PAX5: variants seen among roughly 807,000 people sequenced by gnomAD.
PAX5 encodes paired box 5.
A neutral mutation model predicts 43.7 loss-of-function variants in PAX5; 9 were observed. The observed-to-expected ratio is 0.21, with a 90% CI of 0.12 to 0.36. PAX5 has a LOEUF of 0.36. Ranked by LOEUF, PAX5 falls within the 10% of genes least tolerant of loss-of-function variation. The pLI, the probability that PAX5 is intolerant of heterozygous loss-of-function variation, is 1.00. For synonymous variants in PAX5, 228 were observed against 214.3 expected (o/e 1.06, Z -0.56); for missense variants, 383 against 532.7 (o/e 0.72, Z 2.77).
At chr9:36,848,322 G>A (rs1194932633) in intron 8 of PAX5, among the ~76,000 whole-genome samples, 5 of 140,574 alleles carry the variant, frequency 3.6e-5, no homozygotes, top group South Asian at 2.2e-4. Flanking sequence ...GGCTTCCCCC[G>A]CACCTCACAA....
intron 6 of PAX5, among the ~76,000 whole-genome samples, chr9:36,947,756 C>T (rs921118103): frequency 6.6e-6 from 1 of 151,792 alleles, no homozygotes; most frequent in African/African-American, 2.4e-5. Flanking sequence ...AACCATCACC[C>T]CCACCCCCAG....
chr9:36,898,296 C>T (rs1204494818), intron 7 of PAX5, among the ~76,000 whole-genome samples: 11 of 152,220 alleles, frequency 7.2e-5, no homozygotes, highest in Non-Finnish European at 1.5e-5. Context: ...TATGCGGCCT[C>T]AGGCAGGTTA....
intron 7 of PAX5, among the ~76,000 whole-genome samples, chr9:36,911,346 C>CAG (rs34855631): frequency 2.0e-4 from 30 of 150,930 alleles, no homozygotes; most frequent in East Asian, 9.8e-4. Context: ...TTTTTGAGAT[C>CAG]GGGGGGGTCT....
intron 7 of PAX5, among the ~76,000 whole-genome samples, chr9:36,907,877 C>T (rs914830210): frequency 1.3e-5 from 2 of 152,130 alleles, no homozygotes; most frequent in African/African-American, 4.8e-5. Context: ...GGACAGATTG[C>T]TGTACATACT....
intron 5 of PAX5, among the ~76,000 whole-genome samples, chr9:37,000,263 A>T (rs1837735136): frequency 1.3e-5 from 2 of 152,144 alleles, no homozygotes; most frequent in Admixed American, 6.5e-5. Context: ...TCAAACGTGC[A>T]TACTCTCAGT....
chr9:36,944,628 T>C (rs1392479526), intron 6 of PAX5, among the ~76,000 whole-genome samples: 3 of 152,090 alleles, frequency 2.0e-5, no homozygotes, highest in African/African-American at 7.2e-5. Flanking sequence ...TGACTAACTC[T>C]CAAACCAGGT....
chr9:36,932,557 G>A (rs911564401), intron 6 of PAX5, among the ~76,000 whole-genome samples: 5 of 152,198 alleles, frequency 3.3e-5, no homozygotes, highest in Admixed American at 1.3e-4. Context: ...ATGATTGGCT[G>A]GAGATGGGGG....
intron 6 of PAX5, among the ~76,000 whole-genome samples, chr9:36,963,213 G>A (rs139565905): frequency 3.0e-4 from 45 of 152,286 alleles, no homozygotes; most frequent in African/African-American, 1.0e-3. Flanking sequence ...CACACAGTTC[G>A]CCTGCAGTCG....
Position 37,007,354 on chromosome 9 carries a change from A to G in PAX5, c.411-817T>C, listed in dbSNP as rs959093180. 8 of 152,240 alleles carry G rather than the reference A, an allele frequency of 5.3e-5. No homozygotes were observed. The South Asian group carries it at 1.2e-3, about 24-fold the overall frequency. The allele number at this position is 152,240 out of a possible 1,614,324, so 9.4% of individuals were successfully genotyped here. A position where few individuals can be genotyped will look rare whatever the true frequency, so the allele number is the denominator to read the frequency against. On this transcript the variant is annotated intron_variant, in intron 3 of 9. Transcript: ENST00000358127. Reference sequence around the variant, plus strand: ...TAAGTAACCAAATCATTTTCGGAAAAGAAAAAAGATCTTATGGAAAAACCC... The same window carrying G: ...TAAGTAACCAAATCATTTTCGGAAAGGAAAAAAGATCTTATGGAAAAACCC...
intron 5 of PAX5, 23 bp downstream of exon 5, chr9:37,002,625 G>A (rs200647189): frequency 1.9e-6 from 3 of 1,600,928 alleles, no homozygotes; most frequent in East Asian, 2.3e-5. Context: ...CATCCCCGAC[G>A]GGGCTGCGCG....
chr9:36,949,593 C>G (rs540410970), intron 6 of PAX5, among the ~76,000 whole-genome samples: 1 of 152,320 alleles, frequency 6.6e-6, no homozygotes, highest in South Asian at 2.1e-4. Context: ...CAAGAGATTA[C>G]GTGAGCTCAA....
chr9:36,874,112 G>A (rs1450277216), intron 8 of PAX5, among the ~76,000 whole-genome samples: 4 of 152,096 alleles, frequency 2.6e-5, no homozygotes, highest in East Asian at 1.9e-4. Context: ...TCTCCTCCCC[G>A]CTCCAGAACC....
At chr9:36,950,511 C>A (rs142176124) in intron 6 of PAX5, among the ~76,000 whole-genome samples, 48 of 152,280 alleles carry the variant, frequency 3.2e-4, no homozygotes, top group African/African-American at 1.1e-3. Context: ...GCCTCACTGC[C>A]CACACCAGAC....
At chr9:36,984,435 C>T (rs373865972) in intron 5 of PAX5, among the ~76,000 whole-genome samples, 14 of 66,876 alleles carry the variant, frequency 2.1e-4, no homozygotes, top group Middle Eastern at 0.014. Flanking sequence ...TTGAACCTCT[C>T]TTTTTTTTTT....
intron 1 of PAX5, among the ~76,000 whole-genome samples, chr9:37,024,901 G>A (rs1840178906): frequency 6.6e-6 from 1 of 152,230 alleles, no homozygotes; most frequent in Non-Finnish European, 1.5e-5. Flanking sequence ...CCACCAGTGA[G>A]GAGAGAAGTG....
At chr9:36,919,066 T>C (rs996511193) in intron 7 of PAX5, among the ~76,000 whole-genome samples, 4 of 152,372 alleles carry the variant, frequency 2.6e-5, no homozygotes, top group Middle Eastern at 3.4e-3. Flanking sequence ...TAGGGGCTAA[T>C]ATAGCTGGTG....
intron 1 of PAX5, among the ~76,000 whole-genome samples, chr9:37,024,415 T>C (rs950893837): frequency 1.4e-4 from 22 of 152,236 alleles, no homozygotes; most frequent in Non-Finnish European, 2.9e-4. Flanking sequence ...AAGAAGAAAC[T>C]GACTGGGCCA....
At chr9:36,946,199 C>G in intron 6 of PAX5, among the ~76,000 whole-genome samples, 1 of 152,152 alleles carries the variant, frequency 6.6e-6, no homozygotes, top group East Asian at 1.9e-4. Context: ...ATGCAGTGCT[C>G]CATCAGGAAG....
In PAX5 at chr9:36,836,043, AG is replaced by A. The variant is rs905257890; in HGVS notation, c.*4516del. On this transcript the variant is annotated 3_prime_UTR_variant, in exon 10 of 10. Coordinates refer to ENST00000358127, the MANE Select transcript of PAX5 (RefSeq NM_016734.3). ...TCAATTCTGGCTGAATGTCATGAGG[AG>A]GGGGTGGCTGGAGCCACTGGCTGCC... The A allele has an allele frequency of 1.3e-5, 3 of 233,562 alleles. No individual in the cohort carries two copies. The highest frequency in any genetic ancestry group is 4.4e-5 in the African/African-American group (2 of 45,324). 14.5% of individuals were successfully genotyped at this position (233,562 alleles called of 1,614,324 possible).
Sources: allele counts gnomAD v4.1 joint callset (sites outside exome capture counted in the v4.1 genomes callset), GRCh38; gene constraint gnomAD v4.1.1; transcripts MANE v1.5; gene names NCBI Gene and HGNC (gene_info 2026-07-23, HGNC 2026-07-21).